Variants in DOK6 observed in about 807,000 individuals in gnomAD.
The protein encoded by DOK6 is downstream of tyrosine kinase 6.
Under a neutral mutation model 44.0 loss-of-function variants are expected in DOK6, and 22 were observed. The observed-to-expected ratio is 0.50, with a 90% CI of 0.36 to 0.71. The LOEUF is 0.71. DOK6 is among the 30% of genes least tolerant of loss of function. The probability of loss-of-function intolerance (pLI) is 0.00; values close to 1 mark genes in which losing one functional copy is unlikely to be tolerated. For missense variants in DOK6, 340 were observed against 416.4 expected, an observed-to-expected ratio of 0.82 and a Z score of 1.60; for synonymous variants, 166 against 145.5, an observed-to-expected ratio of 1.14 and a Z score of -1.01.
At chr18:69,693,190 T>C (rs914666270) in intron 4 of DOK6, among the ~76,000 whole-genome samples, 1 of 152,106 alleles carries the variant, frequency 6.6e-6, no homozygotes, top group Non-Finnish European at 1.5e-5. Flanking sequence ...TCTTGGTTTC[T>C]GAATATTTAG....
At chr18:69,742,897 T>G (rs1017166063) in intron 6 of DOK6, among the ~76,000 whole-genome samples, 1 of 152,246 alleles carries the variant, frequency 6.6e-6, no homozygotes, top group African/African-American at 2.4e-5. Context: ...CATATTGTCA[T>G]GGCAAGAGCC....
chr18:69,426,995 C>T (rs1978656531), intron 1 of DOK6, among the ~76,000 whole-genome samples: 1 of 130,690 alleles, frequency 7.7e-6, no homozygotes, highest in Non-Finnish European at 1.7e-5. Context: ...TCTCCCCTTC[C>T]ATCCTCTACC....
intron 1 of DOK6, among the ~76,000 whole-genome samples, chr18:69,498,786 C>A (rs750136436): frequency 1.3e-5 from 2 of 152,112 alleles, no homozygotes; most frequent in East Asian, 1.9e-4. Context: ...CTCTCTTGTA[C>A]AAAGATGCAA....
chr18:69,515,128 GACAA>G (rs1466608335), intron 1 of DOK6, among the ~76,000 whole-genome samples: 1 of 152,148 alleles, frequency 6.6e-6, no homozygotes, highest in Non-Finnish European at 1.5e-5. Context: ...CATGAGATGA[GACAA>G]ACATTCTTAT....
At chr18:69,663,733 C>T (rs936677955) in intron 3 of DOK6, among the ~76,000 whole-genome samples, 15 of 152,136 alleles carry the variant, frequency 9.9e-5, no homozygotes, top group Non-Finnish European at 2.1e-4. Flanking sequence ...TTGGAACCAA[C>T]TGAAGGCAAC....
intron 5 of DOK6, among the ~76,000 whole-genome samples, chr18:69,709,908 TG>T (rs1284135286): frequency 6.6e-6 from 1 of 152,208 alleles, no homozygotes; most frequent in Non-Finnish European, 1.5e-5. Context: ...TAGGCACCAC[TG>T]CTCAAGCCTA....
chr18:69,438,907 C>T (rs1979058558), intron 1 of DOK6, among the ~76,000 whole-genome samples: 1 of 151,976 alleles, frequency 6.6e-6, no homozygotes, highest in Non-Finnish European at 1.5e-5. Flanking sequence ...CTTGTTTCTA[C>T]AAAAACTACA....
chr18:69,569,002 A>T (rs1166515113), intron 2 of DOK6, among the ~76,000 whole-genome samples: 2 of 152,068 alleles, frequency 1.3e-5, no homozygotes, highest in African/African-American at 4.8e-5. Context: ...AATGAAGTGC[A>T]CAATAAATGC....
intron 1 of DOK6, among the ~76,000 whole-genome samples, chr18:69,525,607 C>T (rs1398053553): frequency 6.6e-6 from 1 of 151,940 alleles, no homozygotes; most frequent in African/African-American, 2.4e-5. Context: ...TTGCCATTTC[C>T]CTGCTTTCAA....
chr18:69,669,218 C>T (rs924459331), intron 3 of DOK6, among the ~76,000 whole-genome samples: 1 of 152,098 alleles, frequency 6.6e-6, no homozygotes, highest in African/African-American at 2.4e-5. Flanking sequence ...GAGCAAAGTA[C>T]CCGACAGGTA....
intron 7 of DOK6, among the ~76,000 whole-genome samples, chr18:69,767,411 T>C (rs578091671): frequency 6.2e-4 from 95 of 152,268 alleles, no homozygotes; most frequent in Non-Finnish European, 1.1e-3. Context: ...CATGGCACCT[T>C]AAACAGATAA....
rs151154881 is a variant in DOK6, at chr18:69,506,701, T to C, written c.67-57786T>C. Among the ~76,000 whole-genome samples, 20 of 152,254 alleles carry C rather than the reference T, an allele frequency of 1.3e-4. No individual in the cohort carries two copies. In the East Asian group the frequency reaches 2.9e-3, roughly 22 times the overall value. On this transcript the variant is annotated intron_variant, in intron 1 of 7. Coordinates refer to ENST00000382713, the MANE Select transcript of DOK6 (RefSeq NM_152721.6). ...ACATCTAGAATTGTGAGTAAACATT[T>C]CACATACATACATAAATTGTGTGGG...
At chr18:69,571,448 G>T (rs1983113214) in intron 2 of DOK6, among the ~76,000 whole-genome samples, 1 of 151,940 alleles carries the variant, frequency 6.6e-6, no homozygotes, top group Non-Finnish European at 1.5e-5. Flanking sequence ...AAAATTATTT[G>T]AATGGAAATA....
chr18:69,483,227 C>G (rs1275834488), intron 1 of DOK6, among the ~76,000 whole-genome samples: 1 of 151,818 alleles, frequency 6.6e-6, no homozygotes, highest in Admixed American at 6.6e-5. Context: ...CTAGAAAACC[C>G]CCATAGTCTC....
At chr18:69,540,174 G>A (rs1399596014) in intron 1 of DOK6, among the ~76,000 whole-genome samples, 1 of 152,142 alleles carries the variant, frequency 6.6e-6, no homozygotes, top group African/African-American at 2.4e-5. Flanking sequence ...AGTTCAAGAT[G>A]AGATTTGGGT....
chr18:69,755,686 GT>G (rs1165815217), intron 6 of DOK6, among the ~76,000 whole-genome samples: 2 of 152,202 alleles, frequency 1.3e-5, no homozygotes, highest in African/African-American at 2.4e-5. Flanking sequence ...TGTAATGCAC[GT>G]TTTTAACGTG....
intron 7 of DOK6, among the ~76,000 whole-genome samples, chr18:69,802,647 G>A (rs1477799519): frequency 5.9e-5 from 9 of 152,182 alleles, no homozygotes; most frequent in East Asian, 1.9e-4. Context: ...GAGTTCACAC[G>A]AAATCAGGTT....
chr18:69,755,413 T>C (rs1415664930), intron 6 of DOK6, among the ~76,000 whole-genome samples: 1 of 152,158 alleles, frequency 6.6e-6, no homozygotes, highest in Non-Finnish European at 1.5e-5. Context: ...ATAAACAAAT[T>C]ATAATACATT....
intron 7 of DOK6, among the ~76,000 whole-genome samples, chr18:69,772,713 T>A (rs1979924892): frequency 6.6e-6 from 1 of 152,070 alleles, no homozygotes; most frequent in African/African-American, 2.4e-5. Flanking sequence ...CAAAATGGTT[T>A]AAAGACAAAG....
Sources: gnomAD v4.1 joint callset for allele counts (sites outside exome capture counted in the v4.1 genomes callset) on GRCh38, gnomAD v4.1.1 for gene constraint, MANE v1.5 for transcripts, NCBI Gene and HGNC (gene_info 2026-07-23, HGNC 2026-07-21) for gene names.